The following SLCO5A1 variants were observed in gnomAD, a reference collection of about 807,000 sequenced individuals.
The protein encoded by SLCO5A1 is organic anion transporter polypeptide-related protein 4.
In SLCO5A1, 39 loss-of-function variants were observed where a neutral mutation model predicts 65.1. The ratio of observed to expected loss-of-function variants is 0.60; its 90% CI spans 0.46 to 0.78. The LOEUF (loss-of-function observed/expected upper bound fraction) is 0.78. Among genes scored for constraint, SLCO5A1 ranks in the 30% least tolerant of loss-of-function variants. The probability of loss-of-function intolerance (pLI) is 0.00; values close to 1 mark genes in which losing one functional copy is unlikely to be tolerated. For missense variants in SLCO5A1, 1,029 were observed against 1,069.4 expected (o/e 0.96, Z 0.53); for synonymous variants, 438 against 415.7 (o/e 1.05, Z -0.65).
rs1813291007 is a variant in SLCO5A1, at chr8:69,670,228, G to A, written c.*2641C>T. ...AAGTAATTTGAAGCCTAAGCTCATG[G>A]AGAGTCTTCATTAAAACTTCTAATA... On this transcript the variant is annotated 3_prime_UTR_variant, in exon 10 of 10. Transcript: ENST00000260126. The A allele has an allele frequency of 6.6e-6, 1 of 152,192 alleles. No individual in the cohort carries two copies. Among genetic ancestry groups the A allele is most frequent in the African/African-American group, 2.4e-5 (1 of 41,450 alleles). The allele number at this position is 152,192 out of a possible 1,614,324, so 9.4% of individuals were successfully genotyped here. A position where few individuals can be genotyped will look rare whatever the true frequency, so the allele number is the denominator to read the frequency against.
chr8:69,822,971 A>T (rs1324125334), intron 2 of SLCO5A1, among the ~76,000 whole-genome samples: 1 of 152,214 alleles, frequency 6.6e-6, no homozygotes, highest in Non-Finnish European at 1.5e-5. Flanking sequence ...ACCCTGCTTA[A>T]CTGATGGCTG....
intron 3 of SLCO5A1, among the ~76,000 whole-genome samples, chr8:69,758,638 A>C (rs1191629016): frequency 6.6e-6 from 1 of 152,188 alleles, no homozygotes; most frequent in Non-Finnish European, 1.5e-5. Context: ...AAAAAATACA[A>C]AAATAATATT....
At chr8:69,834,543 C>G (rs548421655) in intron 1 of SLCO5A1, among the ~76,000 whole-genome samples, 4 of 152,252 alleles carry the variant, frequency 2.6e-5, no homozygotes, top group Admixed American at 6.5e-5. Context: ...CCCCACCAGC[C>G]GCTGCGTGAG....
chr8:69,769,038 C>G (rs932452161), intron 2 of SLCO5A1, among the ~76,000 whole-genome samples: 3 of 152,146 alleles, frequency 2.0e-5, no homozygotes, highest in African/African-American at 7.2e-5. Flanking sequence ...TTGACCTAGT[C>G]CCCAGAGTCT....
At chr8:69,754,072 T>C (rs573006593) in intron 4 of SLCO5A1, among the ~76,000 whole-genome samples, 118 of 151,588 alleles carry the variant, frequency 7.8e-4, no homozygotes, top group Non-Finnish European at 9.9e-4. Flanking sequence ...ACATCAACCT[T>C]ATCTCAATTG....
intron 2 of SLCO5A1, among the ~76,000 whole-genome samples, chr8:69,775,241 A>C (rs1463021744): frequency 1.3e-5 from 2 of 152,216 alleles, no homozygotes; most frequent in Non-Finnish European, 2.9e-5. Flanking sequence ...TTCCTTTAGA[A>C]ATATTTTCAA....
chr8:69,727,171 G>A (rs908047122), intron 5 of SLCO5A1, among the ~76,000 whole-genome samples: 1 of 152,118 alleles, frequency 6.6e-6, no homozygotes, highest in African/African-American at 2.4e-5. Context: ...ATAGTGCCAG[G>A]CCCATAGCAA....
At chr8:69,781,820 G>A (rs142027912) in intron 2 of SLCO5A1, among the ~76,000 whole-genome samples, 65 of 151,924 alleles carry the variant, frequency 4.3e-4, no homozygotes, top group African/African-American at 1.3e-3. Context: ...ACCACACCCA[G>A]CTCATTTTGT....
intron 2 of SLCO5A1, among the ~76,000 whole-genome samples, chr8:69,815,063 G>A (rs553184572): frequency 6.6e-6 from 1 of 152,148 alleles, no homozygotes; most frequent in Non-Finnish European, 1.5e-5. Flanking sequence ...TTTCAGGGAG[G>A]AGAAATGTTT....
At chr8:69,746,010 A>T (rs1185542433) in intron 4 of SLCO5A1, among the ~76,000 whole-genome samples, 1 of 152,180 alleles carries the variant, frequency 6.6e-6, no homozygotes, top group East Asian at 1.9e-4. Flanking sequence ...TCAACCCTGA[A>T]CGTCCTCCCT....
chr8:69,733,896 C>T (rs960885341), intron 5 of SLCO5A1, among the ~76,000 whole-genome samples: 6 of 152,182 alleles, frequency 3.9e-5, no homozygotes, highest in African/African-American at 7.2e-5. Flanking sequence ...TACAAGGGGT[C>T]GTCCCATCAT....
chr8:69,824,304 CA>C (rs1255837831), intron 2 of SLCO5A1, among the ~76,000 whole-genome samples: 4 of 151,948 alleles, frequency 2.6e-5, no homozygotes, highest in African/African-American at 9.7e-5. Context: ...AATAGAGACA[CA>C]AAAAACCCTT....
chr8:69,673,207 CA>C lies in SLCO5A1; in HGVS notation c.2208del (p.Phe736LeufsTer25). 3 of 1,614,174 alleles carry C rather than the reference CA, an allele frequency of 1.9e-6. No homozygotes were observed. The highest frequency in any genetic ancestry group is 2.5e-6 in the Non-Finnish European group (3 of 1,180,036). ...AGGCCGGCAGCCAAACCAAAATACA[CA>C]AAACGAAACGACGTCACGTTGTACT... ...CWEYNVTSFR[F>X]VYFGLAAGLK... On this transcript the variant is annotated frameshift_variant, in exon 10 of 10. Coordinates refer to ENST00000260126, the MANE Select transcript of SLCO5A1 (RefSeq NM_030958.3). LOFTEE classifies it high-confidence loss of function.
chr8:69,792,645 G>A (rs1819320737), intron 2 of SLCO5A1, among the ~76,000 whole-genome samples: 1 of 152,184 alleles, frequency 6.6e-6, no homozygotes, highest in Non-Finnish European at 1.5e-5. Context: ...AGTAGGCTGG[G>A]ACAGTGGACA....
chr8:69,831,303 C>T (rs1821141249), intron 2 of SLCO5A1, among the ~76,000 whole-genome samples: 1 of 151,272 alleles, frequency 6.6e-6, no homozygotes, highest in Admixed American at 6.6e-5. Context: ...GGTATGAAGG[C>T]AATAAAGCAT....
intron 6 of SLCO5A1, among the ~76,000 whole-genome samples, chr8:69,697,143 C>A (rs1191385602): frequency 6.6e-6 from 1 of 152,250 alleles, no homozygotes; most frequent in Non-Finnish European, 1.5e-5. Context: ...GAACAAAGCC[C>A]TGTGCCGAGG....
rs575170751 is a variant in SLCO5A1, at chr8:69,688,846, T to C, written c.1623-6503A>G. 7.2e-5 allele frequency among the ~76,000 whole-genome samples: 11 copies of C among 152,368 alleles called. No individual in the cohort carries two copies. The East Asian group carries it at 2.1e-3, about 29-fold the overall frequency. On this transcript the variant is annotated intron_variant, in intron 6 of 9. Transcript: ENST00000260126. ...AGCATGATTTATAGTCCTTTGGGTA[T>C]ATACCCAGTAATGGGATGGCTGGGT...
intron 9 of SLCO5A1, 77 bp from the exon 10 acceptor site, chr8:69,673,403 G>A (rs956945037): frequency 5.2e-5 from 67 of 1,287,076 alleles, no homozygotes; most frequent in Middle Eastern, 2.0e-4. Context: ...AATTAGCAAG[G>A]TACTTGTGTG....
At chr8:69,770,614 A>C (rs1818280380) in intron 2 of SLCO5A1, among the ~76,000 whole-genome samples, 1 of 151,894 alleles carries the variant, frequency 6.6e-6, no homozygotes, top group African/African-American at 2.4e-5. Flanking sequence ...ATCTTTTCAG[A>C]CCCTTCCAAA....
Sources: allele counts gnomAD v4.1 joint callset (sites outside exome capture counted in the v4.1 genomes callset), GRCh38; gene constraint gnomAD v4.1.1; transcripts MANE v1.5; gene names NCBI Gene and HGNC (gene_info 2026-07-23, HGNC 2026-07-21).